Variants in TECRL observed in about 807,000 individuals in gnomAD.
The protein encoded by TECRL is trans-2,3-enoyl-CoA reductase-like.
Under a neutral mutation model 52.8 loss-of-function variants are expected in TECRL, and 63 were observed. That is an observed-to-expected ratio of 1.19 (90% CI 0.97 to 1.47). The LOEUF (loss-of-function observed/expected upper bound fraction) is 1.47. TECRL is among the 40% of genes most tolerant of loss of function. TECRL has a pLI of 0.00. For synonymous variants in TECRL, 164 were observed against 141.9 expected (o/e 1.16, Z -1.10); for missense variants, 482 against 429.6 (o/e 1.12, Z -1.08).
chr4:64,366,138 G>A (rs1471676632), intron 2 of TECRL, among the ~76,000 whole-genome samples: 1 of 151,978 alleles, frequency 6.6e-6, no homozygotes. Flanking sequence ...TGAAGAAAAG[G>A]ACTCCCCATT....
intron 1 of TECRL, among the ~76,000 whole-genome samples, chr4:64,376,238 T>C (rs1184090139): frequency 6.6e-6 from 1 of 151,890 alleles, no homozygotes; most frequent in Non-Finnish European, 1.5e-5. Flanking sequence ...GCATTCAGTA[T>C]ACTGTTCAGA....
At position 64,328,518 on chromosome 4, in the gene TECRL, C is replaced by T. The variant is rs760350383; in HGVS notation, c.325G>A (p.Glu109Lys). Residue 109 changes from glutamate (E) to lysine (K), a missense_variant, in exon 3 of 12, where the codon GAA becomes AAA. Coordinates refer to ENST00000381210, the MANE Select transcript of TECRL (RefSeq NM_001010874.5). ...WYPSRVGLQL[E>K]CGGPFLKDYI... ...AGTGAAAAATGCTTCTTACCACATTCTAGCTGCAGACCAACTCGAGAAGGG... is the reference window on the plus strand; with the variant it reads ...AGTGAAAAATGCTTCTTACCACATTTTAGCTGCAGACCAACTCGAGAAGGG... 5.6e-6 allele frequency: 9 copies of T among 1,611,170 alleles called. No individual in the cohort carries two copies. Among genetic ancestry groups the T allele is most frequent in the Non-Finnish European group, 7.6e-6 (9 of 1,178,162 alleles).
intron 2 of TECRL, among the ~76,000 whole-genome samples, chr4:64,347,152 T>G (rs1182338122): frequency 6.6e-6 from 1 of 152,168 alleles, no homozygotes; most frequent in African/African-American, 2.4e-5. Flanking sequence ...AAAAGTTGCC[T>G]CTTCATCCTC....
intron 2 of TECRL, among the ~76,000 whole-genome samples, chr4:64,330,771 T>C (rs1045924906): frequency 3.3e-5 from 5 of 152,124 alleles, no homozygotes; most frequent in Non-Finnish European, 7.4e-5. Context: ...GAAAACATTC[T>C]AGTTGTCAAG....
Position 64,279,719 on chromosome 4 carries a change from T to A in TECRL, c.*353A>T. 1.1e-6 allele frequency: 1 copy of A among 886,842 alleles called. No individual in the cohort carries two copies. The highest frequency in any genetic ancestry group is 5.2e-5 in the South Asian group (1 of 19,302). 54.9% of individuals were successfully genotyped at this position (886,842 alleles called of 1,614,324 possible). A position where few individuals can be genotyped will look rare whatever the true frequency, so the allele number is the denominator to read the frequency against. On this transcript the variant is annotated 3_prime_UTR_variant, in exon 12 of 12. Coordinates refer to ENST00000381210, the MANE Select transcript of TECRL (RefSeq NM_001010874.5). ...CATGTATATGTCTTCCTTTGGGAAA[T>A]GTCTGTTCAGATCGCTTTTTCATTT...
chr4:64,392,398 ACAG>A (rs1723607415), intron 1 of TECRL, among the ~76,000 whole-genome samples: 1 of 151,922 alleles, frequency 6.6e-6, no homozygotes, highest in Non-Finnish European at 1.5e-5. Flanking sequence ...CGAGATACAC[ACAG>A]CATATCCTCA....
intron 1 of TECRL, among the ~76,000 whole-genome samples, chr4:64,390,104 G>T (rs1723446982): frequency 2.6e-5 from 4 of 151,844 alleles, no homozygotes; most frequent in Admixed American, 2.0e-4. Context: ...CCTGTTACAG[G>T]TCTCACTTAT....
chr4:64,296,959 G>A (rs1396717056), intron 8 of TECRL, among the ~76,000 whole-genome samples: 1 of 151,414 alleles, frequency 6.6e-6, no homozygotes, highest in South Asian at 2.1e-4. Flanking sequence ...ACATATCTGA[G>A]GATCAAATTG....
intron 2 of TECRL, among the ~76,000 whole-genome samples, chr4:64,361,052 G>A (rs1429398099): frequency 8.4e-6 from 1 of 119,598 alleles, no homozygotes; most frequent in East Asian, 2.8e-4. Context: ...CATGTGACAG[G>A]GCCAGTCTGA....
chr4:64,392,388 C>G lies in TECRL; in HGVS notation c.234+16730G>C, dbSNP rs1003297478. ...TTTAGTCCAATCTCCTTTACATTTT[C>G]GAGATACACACAGCATATCCTCAAG... is the stretch of plus-strand genomic sequence containing the variant. On this transcript the variant is annotated intron_variant, in intron 1 of 11. Transcript: ENST00000381210. Among the ~76,000 whole-genome samples, 8 of 151,868 alleles carry G rather than the reference C, an allele frequency of 5.3e-5. 1 individual carries two copies. The highest frequency in any genetic ancestry group is 2.0e-4 in the Admixed American group (3 of 15,212).
intron 2 of TECRL, among the ~76,000 whole-genome samples, chr4:64,356,491 T>C (rs973897093): frequency 3.3e-5 from 5 of 152,164 alleles, no homozygotes; most frequent in African/African-American, 4.8e-5. Flanking sequence ...GCAATGCTGC[T>C]TTGTTATTCT....
At chr4:64,313,887 A>T (rs1008734997) in intron 5 of TECRL, among the ~76,000 whole-genome samples, 1 of 147,924 alleles carries the variant, frequency 6.8e-6, no homozygotes, top group Non-Finnish European at 1.5e-5. Flanking sequence ...TAATCCCAGC[A>T]CTTTGGGAAG....
intron 1 of TECRL, among the ~76,000 whole-genome samples, chr4:64,404,639 C>A (rs1483288): frequency 0.61 from 93,175 of 151,782 alleles, 30,576 homozygotes; most frequent in Non-Finnish European, 0.74. Flanking sequence ...TTATGAAAAT[C>A]TTATTAAAAT....
At chr4:64,397,389 T>C (rs985526419) in intron 1 of TECRL, among the ~76,000 whole-genome samples, 14 of 151,994 alleles carry the variant, frequency 9.2e-5, no homozygotes, top group Admixed American at 7.9e-4. Flanking sequence ...TTTTGATACA[T>C]ACATGGTCCT....
At chr4:64,394,528 G>A (rs998521290) in intron 1 of TECRL, among the ~76,000 whole-genome samples, 8 of 152,136 alleles carry the variant, frequency 5.3e-5, no homozygotes, top group East Asian at 1.9e-4. Context: ...CACAATTCCC[G>A]TGGCATAAGA....
At chr4:64,326,801 T>C (rs1050239907) in intron 3 of TECRL, among the ~76,000 whole-genome samples, 3 of 152,100 alleles carry the variant, frequency 2.0e-5, no homozygotes, top group Admixed American at 2.0e-4. Flanking sequence ...AATGCTTCTA[T>C]TTTATTTGTG....
rs941268832 is a variant in TECRL, at chr4:64,311,117, T to C, written c.552-1186A>G. On this transcript the variant is annotated intron_variant, in intron 5 of 11. Transcript: ENST00000381210. Reference sequence around the variant, plus strand: ...TAGACATTGAGTTTATTTATACGTTTGGGAGTTGATTTTAGTGGAAATGAT... The same window carrying C: ...TAGACATTGAGTTTATTTATACGTTCGGGAGTTGATTTTAGTGGAAATGAT... Among the ~76,000 whole-genome samples, 7 of 152,202 alleles carry C rather than the reference T, an allele frequency of 4.6e-5. No individual in the cohort carries two copies. The East Asian group carries it at 1.3e-3, about 29-fold the overall frequency.
At chr4:64,348,278 A>C (rs1303448487) in intron 2 of TECRL, among the ~76,000 whole-genome samples, 1 of 152,208 alleles carries the variant, frequency 6.6e-6, no homozygotes, top group Admixed American at 6.5e-5. Flanking sequence ...AATAAAGCAC[A>C]GAGGAAACTG....
At chr4:64,347,428 A>G (rs1214697927) in intron 2 of TECRL, among the ~76,000 whole-genome samples, 1 of 152,200 alleles carries the variant, frequency 6.6e-6, no homozygotes, top group Non-Finnish European at 1.5e-5. Context: ...TGGCCTTAAA[A>G]TCTACTCCTT....
Sources: allele counts gnomAD v4.1 joint callset (sites outside exome capture counted in the v4.1 genomes callset), GRCh38; gene constraint gnomAD v4.1.1; transcripts MANE v1.5; gene names NCBI Gene and HGNC (gene_info 2026-07-23, HGNC 2026-07-21).